The following ZBTB20 variants were observed in gnomAD, a reference collection of about 807,000 sequenced individuals.
ZBTB20 encodes zinc finger and BTB domain containing 20, also known as zinc finger and BTB domain-containing protein 20.
ZBTB20 carries 9 observed loss-of-function variants against 56.9 expected under a neutral mutation model. The observed-to-expected ratio is 0.16, with a 90% CI of 0.10 to 0.28. ZBTB20 has a LOEUF of 0.28. ZBTB20 is among the 10% of genes least tolerant of loss of function. The pLI is 1.00. For synonymous variants in ZBTB20, 417 were observed against 420.7 expected, an observed-to-expected ratio of 0.99 and a Z score of 0.11; for missense variants, 655 against 1,003.0, an observed-to-expected ratio of 0.65 and a Z score of 4.69.
At chr3:115,091,240 A>G (rs1260822414) in intron 1 of ZBTB20, among the ~76,000 whole-genome samples, 1 of 152,028 alleles carries the variant, frequency 6.6e-6, no homozygotes, top group Non-Finnish European at 1.5e-5. Flanking sequence ...AACATGAAAT[A>G]TCAAATAGCA....
chr3:114,380,327 T>C lies in ZBTB20; in HGVS notation c.89A>G (p.Lys30Arg), dbSNP rs1276357389. 5.2e-6 allele frequency: 8 copies of C among 1,537,074 alleles called. No individual in the cohort carries two copies. The highest frequency in any genetic ancestry group is 2.0e-5 in the Admixed American group (1 of 50,972). ...AAAGTTCAGGCAGGGAAGGCCCGGC[T>C]TGGCGCTGGATCCACCCGGCTGAGT... is the stretch of plus-strand genomic sequence containing the variant. ...EITQPGGSSA[K>R]PGLPCLNFEA... is the part of the protein sequence containing the mutation. The change falls in exon 10 of 12, where the codon AAG (lysine) becomes AGG (arginine). Residue 30 changes from lysine (K) to arginine (R), a missense_variant. By Grantham distance (26) the Lys-to-Arg change is conservative. Transcript: ENST00000675478.
At chr3:114,715,106 T>C (rs938705258) in intron 5 of ZBTB20, among the ~76,000 whole-genome samples, 1 of 152,184 alleles carries the variant, frequency 6.6e-6, no homozygotes, top group African/African-American at 2.4e-5. Context: ...GAGACTATAG[T>C]CATCAAGCAA....
At chr3:114,923,866 C>CA (rs375914805) in intron 3 of ZBTB20, among the ~76,000 whole-genome samples, 1,711 of 147,792 alleles carry the variant, frequency 0.012, 10 homozygotes, top group South Asian at 0.023. Context: ...AACTCAATGG[C>CA]AAAAAAAAAT....
rs1022949397 is a variant in ZBTB20, at chr3:114,907,227, A to AT, written c.-455-6886dup. On this transcript the variant is annotated intron_variant, in intron 3 of 11. Transcript: ENST00000675478. ...AAGGCAGCAGAATGTAGTTAGGCTA[A>AT]TTTTTTGCATTTTGTGCTCATCAGA... Among the ~76,000 whole-genome samples the AT allele has an allele frequency of 9.9e-5, 15 of 151,698 alleles. No individual in the cohort carries two copies. The East Asian group carries it at 2.7e-3, about 27-fold the overall frequency.
At chr3:114,623,418 T>C (rs2058453509) in intron 6 of ZBTB20, among the ~76,000 whole-genome samples, 1 of 152,164 alleles carries the variant, frequency 6.6e-6, no homozygotes, top group African/African-American at 2.4e-5. Context: ...GTCATTTAGT[T>C]TTCCTGTGGC....
chr3:115,040,515 CATT>C (rs2081097990), intron 2 of ZBTB20, among the ~76,000 whole-genome samples: 1 of 152,096 alleles, frequency 6.6e-6, no homozygotes, highest in African/African-American at 2.4e-5. Flanking sequence ...GCAGAAGAAG[CATT>C]ATGTACTCAG....
chr3:115,113,597 A>G (rs1032438685), intron 1 of ZBTB20, among the ~76,000 whole-genome samples: 4 of 152,238 alleles, frequency 2.6e-5, no homozygotes, highest in Admixed American at 6.5e-5. Flanking sequence ...GTGCAGAACA[A>G]CAGCAGCCAC....
At chr3:115,075,067 T>G (rs1365129670) in intron 1 of ZBTB20, among the ~76,000 whole-genome samples, 1 of 152,188 alleles carries the variant, frequency 6.6e-6, no homozygotes, top group Non-Finnish European at 1.5e-5. Context: ...ATAATAATTT[T>G]AATGTGAATT....
At chr3:115,012,591 T>A (rs2079769801) in intron 2 of ZBTB20, among the ~76,000 whole-genome samples, 1 of 151,654 alleles carries the variant, frequency 6.6e-6, no homozygotes, top group Non-Finnish European at 1.5e-5. Context: ...TAGCTAAAGA[T>A]AGAGATAGAC....
Position 114,943,744 on chromosome 3 carries a change from A to G in ZBTB20, c.-456+30622T>C, listed in dbSNP as rs2076797175. Among the ~76,000 whole-genome samples, 7 of 145,012 alleles carry G rather than the reference A, an allele frequency of 4.8e-5. 1 individual carries two copies. The South Asian group carries it at 1.5e-3, about 31-fold the overall frequency. On this transcript the variant is annotated intron_variant, in intron 3 of 11. Transcript: ENST00000675478. ...TAGAACATGGTTAAAAAATGTTTTA[A>G]CATACAAATATCTCTAGTCCCAGAA...
At chr3:114,590,534 A>C (rs1488961176) in intron 6 of ZBTB20, among the ~76,000 whole-genome samples, 1 of 150,334 alleles carries the variant, frequency 6.7e-6, no homozygotes, top group South Asian at 2.1e-4. Context: ...AAAATAAACA[A>C]AAATAAAAAT....
At chr3:115,139,099 TAGC>T (rs2084737531) in intron 1 of ZBTB20, among the ~76,000 whole-genome samples, 2 of 152,058 alleles carry the variant, frequency 1.3e-5, no homozygotes, top group African/African-American at 4.8e-5. Flanking sequence ...TAAGCTAAAA[TAGC>T]TTACCATCAT....
intron 1 of ZBTB20, among the ~76,000 whole-genome samples, chr3:115,116,255 A>T (rs562028963): frequency 6.6e-6 from 1 of 152,156 alleles, no homozygotes; most frequent in South Asian, 2.1e-4. Flanking sequence ...TAATGCTCTG[A>T]TATTGCCCAG....
chr3:114,903,678 A>G (rs1218034087), intron 3 of ZBTB20, among the ~76,000 whole-genome samples: 1 of 152,102 alleles, frequency 6.6e-6, no homozygotes, highest in East Asian at 1.9e-4. Flanking sequence ...TGGGTGAAAA[A>G]TGAAGGATCA....
At chr3:115,011,483 C>T (rs982157717) in intron 2 of ZBTB20, among the ~76,000 whole-genome samples, 45 of 151,900 alleles carry the variant, frequency 3.0e-4, no homozygotes, top group Middle Eastern at 3.4e-3. Flanking sequence ...ACTTTATAGG[C>T]CAGCAGAGAG....
At chr3:114,952,100 T>C (rs1288081691) in intron 3 of ZBTB20, among the ~76,000 whole-genome samples, 2 of 152,056 alleles carry the variant, frequency 1.3e-5, no homozygotes, top group Non-Finnish European at 2.9e-5. Flanking sequence ...ATTCATGTCA[T>C]TATATTAACA....
chr3:115,005,694 T>C (rs1476445225), intron 2 of ZBTB20, among the ~76,000 whole-genome samples: 1 of 151,822 alleles, frequency 6.6e-6, no homozygotes, highest in Non-Finnish European at 1.5e-5. Context: ...TATCAACTTC[T>C]CTCTACCTCT....
intron 7 of ZBTB20, among the ~76,000 whole-genome samples, chr3:114,423,668 A>G (rs1222268195): frequency 6.6e-6 from 1 of 152,222 alleles, no homozygotes; most frequent in African/African-American, 2.4e-5. Context: ...TTATAAAATT[A>G]TTACATACTT....
At chr3:114,344,989 A>ACC (rs372183265) in intron 11 of ZBTB20, among the ~76,000 whole-genome samples, 1 of 151,682 alleles carries the variant, frequency 6.6e-6, no homozygotes, top group East Asian at 1.9e-4. Flanking sequence ...TAAAAAAAAA[A>ACC]CACGAAAGTG....
Sources: allele counts gnomAD v4.1 joint callset (sites outside exome capture counted in the v4.1 genomes callset), GRCh38; gene constraint gnomAD v4.1.1; transcripts MANE v1.5; gene names NCBI Gene and HGNC (gene_info 2026-07-23, HGNC 2026-07-21).